Variants in PDE4B observed in about 807,000 individuals in gnomAD.
The protein encoded by PDE4B is phosphodiesterase 4B.
In PDE4B, 20 loss-of-function variants were observed where a neutral mutation model predicts 82.2. The observed-to-expected ratio is 0.24, with a 90% CI of 0.17 to 0.35. The LOEUF is 0.35. PDE4B is among the 10% of genes least tolerant of loss of function. The pLI, the probability that PDE4B is intolerant of heterozygous loss-of-function variation, is 1.00. For synonymous variants in PDE4B, 320 were observed against 318.9 expected (o/e 1.00, Z -0.04); for missense variants, 655 against 907.2 (o/e 0.72, Z 3.57).
chr1:66,146,769 CTTCTA>C (rs1646282155), intron 3 of PDE4B, among the ~76,000 whole-genome samples: 1 of 152,114 alleles, frequency 6.6e-6, no homozygotes, highest in African/African-American at 2.4e-5. Flanking sequence ...GTAAATTTTG[CTTCTA>C]TTCTATTATT....
At chr1:66,100,590 A>G (rs2101019413) in intron 3 of PDE4B, among the ~76,000 whole-genome samples, 1 of 152,230 alleles carries the variant, frequency 6.6e-6, no homozygotes, top group Non-Finnish European at 1.5e-5. Flanking sequence ...GCTTGCCAGA[A>G]TTTCCACTGG....
At chr1:66,238,668 T>C (rs1652651257) in intron 3 of PDE4B, among the ~76,000 whole-genome samples, 1 of 151,856 alleles carries the variant, frequency 6.6e-6, no homozygotes, top group Non-Finnish European at 1.5e-5. Context: ...AAATCATGGA[T>C]GATTCTGGTT....
chr1:66,103,890 C>T (rs1205192052), intron 3 of PDE4B, among the ~76,000 whole-genome samples: 7 of 151,848 alleles, frequency 4.6e-5, no homozygotes, highest in Admixed American at 4.6e-4. Flanking sequence ...ATACCAACTA[C>T]CTACAAATGA....
chr1:65,879,904 T>C (rs1241437396), intron 1 of PDE4B, among the ~76,000 whole-genome samples: 2 of 152,216 alleles, frequency 1.3e-5, no homozygotes, highest in African/African-American at 4.8e-5. Flanking sequence ...GTTAATGCTG[T>C]TCTTGGTCTA....
At chr1:66,086,718 A>G (rs570485423) in intron 3 of PDE4B, among the ~76,000 whole-genome samples, 3 of 152,228 alleles carry the variant, frequency 2.0e-5, no homozygotes, top group Non-Finnish European at 4.4e-5. Context: ...TCCAATTAGC[A>G]TTTCATTCTC....
intron 3 of PDE4B, among the ~76,000 whole-genome samples, chr1:66,063,688 A>C (rs1221635024): frequency 6.6e-6 from 1 of 151,942 alleles, no homozygotes; most frequent in East Asian, 1.9e-4. Flanking sequence ...TCTTTTAAAA[A>C]CTTAGGTTAT....
chr1:66,189,263 A>G (rs1449248737), intron 3 of PDE4B, among the ~76,000 whole-genome samples: 1 of 151,946 alleles, frequency 6.6e-6, no homozygotes, highest in Non-Finnish European at 1.5e-5. Flanking sequence ...GCTGCCCTTA[A>G]CATTTTTTCC....
At chr1:65,962,297 T>C (rs1490986459) in intron 3 of PDE4B, among the ~76,000 whole-genome samples, 1 of 152,134 alleles carries the variant, frequency 6.6e-6, no homozygotes, top group Admixed American at 6.6e-5. Flanking sequence ...AGTTGAACCA[T>C]TGTAAGTTGG....
chr1:66,211,336 C>T (rs1052215179), intron 3 of PDE4B, among the ~76,000 whole-genome samples: 2 of 152,160 alleles, frequency 1.3e-5, no homozygotes, highest in South Asian at 4.1e-4. Context: ...GTATTTCACA[C>T]CTTTGCCTCT....
At chr1:66,240,514 G>A (rs1652807784) in intron 3 of PDE4B, among the ~76,000 whole-genome samples, 1 of 152,126 alleles carries the variant, frequency 6.6e-6, no homozygotes, top group African/African-American at 2.4e-5. Context: ...TGGATAGAGC[G>A]GACCTGCTGA....
At chr1:66,060,649 G>T (rs1250538498) in intron 3 of PDE4B, among the ~76,000 whole-genome samples, 2 of 152,072 alleles carry the variant, frequency 1.3e-5, no homozygotes. Flanking sequence ...AGTTAGTATT[G>T]CCCATTTCTT....
intron 7 of PDE4B, among the ~76,000 whole-genome samples, chr1:66,270,363 T>G (rs1223193951): frequency 6.6e-6 from 1 of 152,224 alleles, no homozygotes; most frequent in Non-Finnish European, 1.5e-5. Flanking sequence ...GCCCATAGCT[T>G]TACTTGATTA....
intron 8 of PDE4B, among the ~76,000 whole-genome samples, chr1:66,341,658 G>A (rs1403331550): frequency 6.6e-6 from 1 of 152,186 alleles, no homozygotes; most frequent in Non-Finnish European, 1.5e-5. Flanking sequence ...TGTGGTTAGT[G>A]TAACTGCCCT....
intron 7 of PDE4B, among the ~76,000 whole-genome samples, chr1:66,298,237 T>C (rs78143445): frequency 4.6e-5 from 7 of 152,266 alleles, no homozygotes; most frequent in South Asian, 2.1e-4. Context: ...GGGCTCTTCA[T>C]TGAAATTTTG....
chr1:66,050,168 A>C (rs535835288), intron 3 of PDE4B, among the ~76,000 whole-genome samples: 1 of 152,202 alleles, frequency 6.6e-6, no homozygotes, highest in East Asian at 1.9e-4. Flanking sequence ...AAACTTTAAA[A>C]TTTATTTCCA....
intron 7 of PDE4B, among the ~76,000 whole-genome samples, chr1:66,294,994 A>G (rs1657398303): frequency 6.6e-6 from 1 of 152,168 alleles, no homozygotes; most frequent in African/African-American, 2.4e-5. Context: ...TTGAAGCTTC[A>G]TTTTGTGTGT....
chr1:66,003,733 T>C (rs962606809), intron 3 of PDE4B, among the ~76,000 whole-genome samples: 1 of 152,194 alleles, frequency 6.6e-6, no homozygotes, highest in African/African-American at 2.4e-5. Context: ...CAGGATTCTT[T>C]AGGCCAGAAG....
At chr1:65,939,435 CA>C (rs1206198792) in intron 3 of PDE4B, among the ~76,000 whole-genome samples, 2 of 152,096 alleles carry the variant, frequency 1.3e-5, no homozygotes, top group Non-Finnish European at 2.9e-5. Flanking sequence ...AACAGCAAGA[CA>C]AAAGGGCTCT....
intron 3 of PDE4B, among the ~76,000 whole-genome samples, chr1:66,076,729 A>C (rs1268368933): frequency 6.6e-6 from 1 of 152,106 alleles, no homozygotes; most frequent in Non-Finnish European, 1.5e-5. Flanking sequence ...ATGGTATCTC[A>C]TTGTGGTTTT....
Sources: allele counts gnomAD v4.1 joint callset (sites outside exome capture counted in the v4.1 genomes callset), GRCh38; gene constraint gnomAD v4.1.1; transcripts MANE v1.5; gene names NCBI Gene and HGNC (gene_info 2026-07-23, HGNC 2026-07-21).